The following APOM variants were observed in gnomAD, a reference collection of about 807,000 sequenced individuals.
The protein encoded by APOM is apolipoprotein M.
APOM carries 24 observed loss-of-function variants against 23.5 expected under a neutral mutation model. The ratio of observed to expected loss-of-function variants is 1.02; its 90% CI spans 0.74 to 1.44. The LOEUF (loss-of-function observed/expected upper bound fraction) is 1.44. Among genes scored for constraint, APOM ranks in the 40% most tolerant of loss-of-function variants. APOM has a pLI of 0.00. For synonymous variants in APOM, 82 were observed against 84.1 expected, an observed-to-expected ratio of 0.97 and a Z score of 0.14; for missense variants, 200 against 233.2, an observed-to-expected ratio of 0.86 and a Z score of 0.93.
chr6:31,657,599 G>A, intron 4 of APOM, 26 bp from the exon 5 acceptor site: 3 of 1,607,834 alleles, frequency 1.9e-6, no homozygotes, highest in Non-Finnish European at 2.6e-6. Context: ...GGTTTTGACT[G>A]GCCTGACCCC....
In APOM at chr6:31,657,247, C is replaced by T. The variant is rs778859096; in HGVS notation, c.292C>T (p.Arg98Trp). ...CAGGAAAGATGGGCTCTGTGTGCCC[C>T]GGAAATGGATCTACCACCTGACTGA... ...IRMKDGLCVP[R>W]KWIYHLTEGS... is the part of the protein sequence containing the mutation. Residue 98 changes from arginine to tryptophan, a missense_variant, in exon 3 of 6, where the codon CGG becomes TGG. By Grantham distance (101) the Arg-to-Trp change is moderately radical (BLOSUM62 -3). Transcript: ENST00000375916. The T allele has an allele frequency of 4.3e-6, 7 of 1,613,004 alleles. No homozygotes were observed. The highest frequency in any genetic ancestry group is 1.3e-5 in the African/African-American group (1 of 75,016).
At chr6:31,652,962 C>G (rs1367691049), upstream of APOM, among the ~76,000 whole-genome samples, 3 of 152,136 alleles carry the variant, frequency 2.0e-5, no homozygotes, top group African/African-American at 7.2e-5. Flanking sequence ...CCCTATTGCC[C>G]TCGCTGCGCC....
At chr6:31,654,197 A>G (rs1444894738), upstream of APOM, among the ~76,000 whole-genome samples, 1 of 149,988 alleles carries the variant, frequency 6.7e-6, no homozygotes, top group Non-Finnish European at 1.5e-5. Context: ...GTGAGCCAAG[A>G]TCGCGCCACT....
chr6:31,657,767 G>C (rs1226721744), intron 5 of APOM, 44 bp downstream of exon 5: 4 of 1,518,376 alleles, frequency 2.6e-6, no homozygotes, highest in Non-Finnish European at 3.7e-6. Context: ...GACTCACCAA[G>C]TCTTCTGGTG....
Position 31,656,522 on chromosome 6 carries a change from C to T in APOM, c.165C>T (p.Pro55=). ...GGTACTTTATCGCAGGGGCAGCTCC[C>T]ACCAAGGAGGAGTTGGCAACTTTTG... ...GQWYFIAGAA[P]TKEELATFDP... is the part of the protein sequence containing the mutation. Residue 55 remains proline (P), a synonymous_variant, in exon 2 of 6, where the codon CCC becomes CCT. Transcript: ENST00000375916. The T allele has an allele frequency of 6.2e-7, 1 of 1,614,176 alleles. No homozygotes were observed. The highest frequency in any genetic ancestry group is 8.5e-7 in the Non-Finnish European group (1 of 1,180,042).
rs369056786 is a variant in APOM, at chr6:31,656,623, G to T, written c.266G>T (p.Arg89Leu). Residue 89 changes from arginine (R) to leucine (L), a missense_variant, in exon 2 of 6, where the codon CGC becomes CTC. Arg to Leu is a moderately radical substitution (Grantham distance 102, BLOSUM62 -2). Transcript: ENST00000375916. ...CAGCTCCACCTTCGTGCTACCATCCGCATGTGAGTGGTAAGGAGGCAGAAG... is the reference window on the plus strand; with the variant it reads ...CAGCTCCACCTTCGTGCTACCATCCTCATGTGAGTGGTAAGGAGGCAGAAG... The part of the protein sequence containing the change: ...PMQLHLRATI[R>L]MKDGLCVPRK... The T allele has an allele frequency of 1.9e-6, 3 of 1,613,230 alleles. No homozygotes were observed. Among genetic ancestry groups the T allele is most frequent in the Non-Finnish European group, 2.5e-6 (3 of 1,179,696 alleles).
rs761189604 is a variant in APOM at position 31,656,481 on chromosome 6, G to A, written c.124G>A (p.Val42Ile). ...TTCATTGTCTCTCCAGTTCCCAGAG[G>A]TCCACTTGGGCCAGTGGTACTTTAT... is the stretch of plus-strand genomic sequence containing the variant. ...LGVDGKEFPE[V>I]HLGQWYFIAG... is the part of the protein sequence containing the mutation. Residue 42 changes from valine (V) to isoleucine (I), a missense_variant, in exon 2 of 6, where the codon GTC becomes ATC. Transcript: ENST00000375916. 6.2e-7 allele frequency: 1 copy of A among 1,614,018 alleles called. No homozygotes were observed. Among genetic ancestry groups the A allele is most frequent in the Non-Finnish European group, 8.5e-7 (1 of 1,179,938 alleles).
chr6:31,655,683 A>C, upstream of APOM: 2 of 353,284 alleles, frequency 5.7e-6, no homozygotes, highest in Non-Finnish European at 1.0e-5. Flanking sequence ...ACAGGTTCAA[A>C]GACCACAGGC....
chr6:31,653,843 T>G, upstream of APOM, among the ~76,000 whole-genome samples: 1 of 152,166 alleles, frequency 6.6e-6, no homozygotes, highest in Non-Finnish European at 1.5e-5. Flanking sequence ...CACACCTGGC[T>G]AATTTTATTT....
chr6:31,657,949 C>A, intron 5 of APOM, 115 bp from the exon 6 acceptor site: 1 of 1,155,044 alleles, frequency 8.7e-7, no homozygotes. Flanking sequence ...GCCTTAGAGA[C>A]TCCCCTTTGA....
intron 5 of APOM, 24 bp from the exon 6 acceptor site, chr6:31,658,037 CCTT>C (rs1404226582): frequency 3.1e-6 from 5 of 1,613,972 alleles, no homozygotes; most frequent in South Asian, 1.1e-5. Flanking sequence ...TCCCTTCTGT[CCTT>C]CTTTTTCCCT....
At chr6:31,654,895 T>C (rs548931234), upstream of APOM, among the ~76,000 whole-genome samples, 1 of 152,356 alleles carries the variant, frequency 6.6e-6, no homozygotes, top group African/African-American at 2.4e-5. Flanking sequence ...ATAAGATTGA[T>C]GATTTGCCAA....
intron 5 of APOM, 41 bp downstream of exon 5, chr6:31,657,764 C>A (rs707921): frequency 0.045 from 69,586 of 1,538,572 alleles, 3,093 homozygotes; most frequent in African/African-American, 0.2. Flanking sequence ...TAGGACTCAC[C>A]AAGTCTTCTG....
Position 31,657,294 on chromosome 6 carries a change from T to C in APOM, c.339T>C (p.Thr113=). The C allele has an allele frequency of 1.2e-6, 2 of 1,613,080 alleles. No individual in the cohort carries two copies. The highest frequency in any genetic ancestry group is 1.1e-5 in the South Asian group (1 of 91,086). ...CTGAAGGGAGCACAGATCTCAGAAC[T>C]GAAGGTTGGTTCTTCCCAGCCCTCA... The part of the protein sequence containing the change: ...HLTEGSTDLR[T]EGRPDMKTEL... The change falls in exon 3 of 6, where the codon ACT becomes ACC. Residue 113 remains threonine, a synonymous_variant. Coordinates refer to ENST00000375916, the MANE Select transcript of APOM (RefSeq NM_019101.3).
upstream of APOM, among the ~76,000 whole-genome samples, chr6:31,653,068 G>A (rs1236714764): frequency 2.0e-5 from 3 of 152,140 alleles, no homozygotes; most frequent in African/African-American, 7.2e-5. Flanking sequence ...GCTAGATTTC[G>A]GTTCTGCCGG....
In APOM at chr6:31,658,193, A is replaced by G. The variant is rs946613827; in HGVS notation, c.*104A>G. 3 of 1,345,430 alleles carry G rather than the reference A, an allele frequency of 2.2e-6. No homozygotes were observed. The highest frequency in any genetic ancestry group is 3.2e-6 in the Non-Finnish European group (3 of 939,002). The allele number at this position is 1,345,430 out of a possible 1,614,324, so 83.3% of individuals were successfully genotyped here. A position where few individuals can be genotyped will look rare whatever the true frequency, so the allele number is the denominator to read the frequency against. Reference sequence around the variant, plus strand: ...CCAGCTCCCACTCAAGATAATAAAGATAATTTTTCAATCCTCATCTCATTC... The same window carrying G: ...CCAGCTCCCACTCAAGATAATAAAGGTAATTTTTCAATCCTCATCTCATTC... On this transcript the variant is annotated 3_prime_UTR_variant, in exon 6 of 6. Transcript: ENST00000375916.
Position 31,657,620 on chromosome 6 carries a change from T to G in APOM, c.443-5T>G. 1.2e-6 allele frequency: 2 copies of G among 1,612,770 alleles called. No homozygotes were observed. Among genetic ancestry groups the G allele is most frequent in the Non-Finnish European group, 1.7e-6 (2 of 1,179,814 alleles). ...GACTGGCCTGACCCCACCTTGCCCT[T>G]CCAGATCGCTCACCACATCCTCCCG... On this transcript the variant is annotated splice_region_variant and splice_polypyrimidine_tract_variant and intron_variant, in intron 4 of 5. Coordinates refer to ENST00000375916, the MANE Select transcript of APOM (RefSeq NM_019101.3).
upstream of APOM, among the ~76,000 whole-genome samples, chr6:31,653,341 A>C (rs1245403358): frequency 6.6e-6 from 1 of 152,144 alleles, no homozygotes; most frequent in African/African-American, 2.4e-5. Flanking sequence ...CTCTTCTCTT[A>C]ACCTGCCCTG....
At chr6:31,653,917 C>A (rs1799508365), upstream of APOM, among the ~76,000 whole-genome samples, 1 of 152,100 alleles carries the variant, frequency 6.6e-6, no homozygotes, top group African/African-American at 2.4e-5. Flanking sequence ...TCCCAAAGTG[C>A]TGGGATTATA....
Sources: allele counts gnomAD v4.1 joint callset (sites outside exome capture counted in the v4.1 genomes callset), GRCh38; gene constraint gnomAD v4.1.1; transcripts MANE v1.5; gene names NCBI Gene and HGNC (gene_info 2026-07-23, HGNC 2026-07-21).